Variants in QRSL1 observed in about 807,000 individuals in gnomAD.
The protein encoded by QRSL1 is glutaminyl-tRNA amidotransferase subunit QRSL1.
QRSL1 carries 54 observed loss-of-function variants against 61.6 expected under a neutral mutation model. The ratio of observed to expected loss-of-function variants is 0.88; its 90% CI spans 0.70 to 1.10. The LOEUF is 1.10. Among genes scored for constraint, QRSL1 ranks in the 50% least tolerant of loss-of-function variants. The pLI, the probability that QRSL1 is intolerant of heterozygous loss-of-function variation, is 0.00. For synonymous variants in QRSL1, 228 were observed against 225.7 expected, an observed-to-expected ratio of 1.01 and a Z score of -0.09; for missense variants, 505 against 622.6, an observed-to-expected ratio of 0.81 and a Z score of 2.01.
chr6:106,650,759 T>C (rs1485761942), intron 5 of QRSL1, among the ~76,000 whole-genome samples: 1 of 152,236 alleles, frequency 6.6e-6, no homozygotes, highest in Non-Finnish European at 1.5e-5. Flanking sequence ...ATGTCAGTCA[T>C]TGCATGGAAG....
chr6:106,658,254 C>T (rs1268857820), intron 9 of QRSL1, among the ~76,000 whole-genome samples: 1 of 152,006 alleles, frequency 6.6e-6, no homozygotes, highest in East Asian at 1.9e-4. Context: ...AAATTTCCAT[C>T]TGGTATAATT....
intron 9 of QRSL1, among the ~76,000 whole-genome samples, chr6:106,662,073 T>C (rs1777365740): frequency 6.6e-6 from 1 of 152,190 alleles, no homozygotes; most frequent in South Asian, 2.1e-4. Flanking sequence ...TTTTTTTCCT[T>C]TTCTTTGTAT....
At chr6:106,637,419 G>C (rs766026585) in intron 1 of QRSL1, among the ~76,000 whole-genome samples, 1 of 152,188 alleles carries the variant, frequency 6.6e-6, no homozygotes, top group Non-Finnish European at 1.5e-5. Context: ...AGGAGCAATA[G>C]TAACAAAGAT....
At chr6:106,638,815 A>C (rs1776963190) in intron 1 of QRSL1, among the ~76,000 whole-genome samples, 2 of 152,118 alleles carry the variant, frequency 1.3e-5, no homozygotes, top group South Asian at 4.1e-4. Flanking sequence ...CCTCAGCCCC[A>C]AGAATGCCAT....
At chr6:106,632,655 T>A (rs1443572766) in intron 1 of QRSL1, among the ~76,000 whole-genome samples, 1 of 152,250 alleles carries the variant, frequency 6.6e-6, no homozygotes, top group Non-Finnish European at 1.5e-5. Context: ...CTATTTTAAC[T>A]GGAGTGAGAT....
chr6:106,652,787 G>C, intron 7 of QRSL1: 3 of 1,475,296 alleles, frequency 2.0e-6, no homozygotes, highest in Non-Finnish European at 2.7e-6. Context: ...AGAGAGGTTT[G>C]TGAGGATCAA....
At chr6:106,635,064 T>G (rs1256110228) in intron 1 of QRSL1, among the ~76,000 whole-genome samples, 2 of 151,704 alleles carry the variant, frequency 1.3e-5, no homozygotes, top group African/African-American at 4.8e-5. Context: ...AGATATCAGT[T>G]AAGCAACTAG....
intron 9 of QRSL1, among the ~76,000 whole-genome samples, chr6:106,660,989 C>G (rs1031772664): frequency 5.9e-5 from 9 of 152,142 alleles, no homozygotes; most frequent in African/African-American, 2.2e-4. Flanking sequence ...AGGGGACAAG[C>G]ATTCAAACCA....
At chr6:106,654,349 C>CAAA (rs528316129) in intron 7 of QRSL1, among the ~76,000 whole-genome samples, 1 of 101,688 alleles carries the variant, frequency 9.8e-6, no homozygotes, top group Non-Finnish European at 2.1e-5. Flanking sequence ...GACTCCGTCT[C>CAAA]AAAAAAAAAA....
At chr6:106,639,272 C>T (rs898372702) in intron 1 of QRSL1, among the ~76,000 whole-genome samples, 3 of 151,696 alleles carry the variant, frequency 2.0e-5, no homozygotes, top group African/African-American at 4.8e-5. Context: ...ACTACAGGCA[C>T]GTGCCACCAC....
intron 9 of QRSL1, among the ~76,000 whole-genome samples, 200 bp downstream of exon 9, chr6:106,655,932 C>T (rs1777263260): frequency 6.6e-6 from 1 of 152,152 alleles, no homozygotes; most frequent in Non-Finnish European, 1.5e-5. Flanking sequence ...ATGATTGGTA[C>T]AGATTACAGG....
intron 1 of QRSL1, among the ~76,000 whole-genome samples, chr6:106,631,763 A>G (rs1776837639): frequency 6.6e-6 from 1 of 152,250 alleles, no homozygotes; most frequent in Non-Finnish European, 1.5e-5. Flanking sequence ...ACATCAGAGT[A>G]AATGGTGTAT....
rs370964875 is a variant in QRSL1 at position 106,665,854 on chromosome 6, G to A, written c.1439G>A (p.Arg480His). The change falls in exon 11 of 11, where the codon CGT becomes CAT. Residue 480 changes from arginine to histidine, a missense_variant. Arg to His is a conservative substitution (Grantham distance 29). Coordinates refer to ENST00000369046, the MANE Select transcript of QRSL1 (RefSeq NM_018292.5). ...GLPIGLQFIG[R>H]AFCDQQLLTV... ...CCAATAGGACTGCAGTTTATTGGAC[G>A]TGCGTTTTGTGACCAGCAGCTTCTT... The A allele has an allele frequency of 2.3e-5, 37 of 1,613,824 alleles. No individual in the cohort carries two copies. The East Asian group carries it at 4.9e-4, about 21-fold the overall frequency.
intron 4 of QRSL1, among the ~76,000 whole-genome samples, chr6:106,645,510 CCTCCTGGGTTCAAGAGATT>C (rs1053993449): frequency 6.6e-6 from 1 of 152,010 alleles, no homozygotes; most frequent in African/African-American, 2.4e-5. Flanking sequence ...GCAACCTCTG[CCTCCTGGGTTCAAGAGATT>C]CTCCTGCCTC....
chr6:106,629,728 G>A (rs1776773525), intron 1 of QRSL1, 23 bp downstream of exon 1: 1 of 1,598,928 alleles, frequency 6.3e-7, no homozygotes, highest in Non-Finnish European at 8.5e-7. Context: ...GGCCCGCTGA[G>A]GCCCCCGGGA....
Position 106,649,313 on chromosome 6 carries a change from T to A in QRSL1, c.557+112T>A, listed in dbSNP as rs1777161190. 4.6e-5 allele frequency: 48 copies of A among 1,043,458 alleles called. 1 individual carries two copies. In the South Asian group the frequency reaches 7.8e-4, roughly 17 times the overall value. The allele number at this position is 1,043,458 out of a possible 1,614,324, so 64.6% of individuals were successfully genotyped here. ...CCTGGTATTTTTCTTTCTAGTGAGCTATATGTGCTCAAAGGTATATCAAAA... is the reference window on the plus strand; with the variant it reads ...CCTGGTATTTTTCTTTCTAGTGAGCAATATGTGCTCAAAGGTATATCAAAA... On this transcript the variant is annotated intron_variant, in intron 5 of 10. Coordinates refer to ENST00000369046, the MANE Select transcript of QRSL1 (RefSeq NM_018292.5).
intron 10 of QRSL1, among the ~76,000 whole-genome samples, 181 bp from the exon 11 acceptor site, chr6:106,665,601 G>A (rs1177098408): frequency 6.6e-6 from 1 of 152,188 alleles, no homozygotes; most frequent in Non-Finnish European, 1.5e-5. Context: ...GATACAGAAT[G>A]ATTTCCAAGA....
intron 1 of QRSL1, among the ~76,000 whole-genome samples, chr6:106,633,249 G>T (rs545602622): frequency 3.9e-4 from 60 of 152,238 alleles, no homozygotes; most frequent in African/African-American, 1.4e-3. Context: ...TGTCTACTTT[G>T]TATTTTTTCC....
rs150816822 is a variant in QRSL1, at chr6:106,648,157, G to A, written c.381-868G>A. Among the ~76,000 whole-genome samples, 372 of 151,808 alleles carry A rather than the reference G, an allele frequency of 2.5e-3. 1 individual carries two copies. Among genetic ancestry groups the A allele is most frequent in the Non-Finnish European group, 4.4e-3 (296 of 67,924 alleles). On this transcript the variant is annotated intron_variant, in intron 4 of 10. Transcript: ENST00000369046. ...CTGAAAATACAAAAATTAGCCCGGCGTGATGGCACGCACCTGTAGTCCCAG... is the reference window on the plus strand; with the variant it reads ...CTGAAAATACAAAAATTAGCCCGGCATGATGGCACGCACCTGTAGTCCCAG...
Sources: allele counts gnomAD v4.1 joint callset (sites outside exome capture counted in the v4.1 genomes callset), GRCh38; gene constraint gnomAD v4.1.1; transcripts MANE v1.5; gene names NCBI Gene and HGNC (gene_info 2026-07-23, HGNC 2026-07-21).